The following DNAJC15 variants were observed in gnomAD, a reference collection of about 807,000 sequenced individuals.
DNAJC15 encodes the protein DnaJ heat shock protein family (Hsp40) member C15, also known as dnaJ homolog subfamily C member 15.
In DNAJC15, 27 loss-of-function variants were observed where a neutral mutation model predicts 22.4. That is an observed-to-expected ratio of 1.20 (90% CI 0.89 to 1.66). The LOEUF is 1.66. DNAJC15 is among the 40% of genes most tolerant of loss of function. DNAJC15 has a pLI of 0.00. For synonymous variants in DNAJC15, 79 were observed against 63.2 expected (o/e 1.25, Z -1.19); for missense variants, 208 against 187.1 (o/e 1.11, Z -0.65).
intron 5 of DNAJC15, among the ~76,000 whole-genome samples, chr13:43,093,793 CAT>C (rs1271620942): frequency 2.0e-5 from 3 of 152,102 alleles, no homozygotes; most frequent in Non-Finnish European, 2.9e-5. Context: ...GTATAGATAA[CAT>C]AATCTTTATA....
At chr13:43,040,737 T>TCCCC (rs2040449791) in intron 1 of DNAJC15, among the ~76,000 whole-genome samples, 1 of 151,956 alleles carries the variant, frequency 6.6e-6, no homozygotes, top group Non-Finnish European at 1.5e-5. Flanking sequence ...CTTGGGTGTT[T>TCCCC]CTCGGAGAGG....
At chr13:43,071,359 CTT>C (rs2040608343) in intron 3 of DNAJC15, among the ~76,000 whole-genome samples, 1 of 152,202 alleles carries the variant, frequency 6.6e-6, no homozygotes, top group Non-Finnish European at 1.5e-5. Context: ...CCTTTTCCCT[CTT>C]TGTGGGGCTC....
chr13:43,096,654 T>C (rs2040741182), intron 5 of DNAJC15, among the ~76,000 whole-genome samples: 1 of 152,146 alleles, frequency 6.6e-6, no homozygotes, highest in South Asian at 2.1e-4. Context: ...TGAGAGACAA[T>C]AGTAGATAGG....
At chr13:43,060,958 T>C (rs1247486014) in intron 1 of DNAJC15, among the ~76,000 whole-genome samples, 4 of 152,158 alleles carry the variant, frequency 2.6e-5, no homozygotes, top group Non-Finnish European at 5.9e-5. Context: ...AATTTGCCAG[T>C]CCTGGGCAGG....
rs768338703 is a variant in DNAJC15, at chr13:43,023,644, C to G, written c.18C>G (p.Val6=). The part of the protein sequence containing the change: MAARG[V]IAPVGESLRY... Reference sequence around the variant, plus strand: ...GCCTTGCCATGGCTGCCCGTGGTGTCATCGCTCCAGTTGGCGAGAGTTTGC... The same window carrying G: ...GCCTTGCCATGGCTGCCCGTGGTGTGATCGCTCCAGTTGGCGAGAGTTTGC... Residue 6 remains valine (V), a synonymous_variant, in exon 1 of 6, where the codon GTC becomes GTG. Transcript: ENST00000379221. 2.5e-6 allele frequency: 4 copies of G among 1,611,926 alleles called. No homozygotes were observed. In the East Asian group the frequency reaches 6.7e-5, roughly 27 times the overall value.
chr13:43,028,339 C>G (rs919754704), intron 1 of DNAJC15, among the ~76,000 whole-genome samples: 2 of 152,178 alleles, frequency 1.3e-5, no homozygotes, highest in African/African-American at 2.4e-5. Context: ...CTCCACCATT[C>G]AGTTCATGAG....
chr13:43,035,796 C>T (rs1182690983), intron 1 of DNAJC15, among the ~76,000 whole-genome samples: 1 of 152,132 alleles, frequency 6.6e-6, no homozygotes, highest in Non-Finnish European at 1.5e-5. Context: ...TCATAGCTCA[C>T]TGCAGTCTCA....
chr13:43,047,866 A>G (rs1472396581), intron 1 of DNAJC15, among the ~76,000 whole-genome samples: 1 of 152,198 alleles, frequency 6.6e-6, no homozygotes, highest in East Asian at 1.9e-4. Flanking sequence ...GAGGAAGATG[A>G]TGGTACAGAG....
At chr13:43,072,581 A>ATTTTT (rs140917513) in intron 3 of DNAJC15, among the ~76,000 whole-genome samples, 1 of 136,630 alleles carries the variant, frequency 7.3e-6, no homozygotes. Context: ...TCACATCAGC[A>ATTTTT]TTTTTTTTTT....
At chr13:43,032,741 C>T (rs189091192) in intron 1 of DNAJC15, among the ~76,000 whole-genome samples, 11 of 152,288 alleles carry the variant, frequency 7.2e-5, no homozygotes, top group Non-Finnish European at 1.5e-4. Context: ...AGGAGAATAC[C>T]TTGAACCCGG....
chr13:43,102,540 A>G (rs925373639), intron 5 of DNAJC15, among the ~76,000 whole-genome samples: 3 of 152,044 alleles, frequency 2.0e-5, no homozygotes, highest in African/African-American at 7.2e-5. Context: ...CTTTGGGGGG[A>G]GGAGGCTGCA....
chr13:43,106,016 T>G (rs1012543444), intron 5 of DNAJC15, among the ~76,000 whole-genome samples: 2 of 152,196 alleles, frequency 1.3e-5, no homozygotes, highest in Admixed American at 1.3e-4. Context: ...GAGGTAAATA[T>G]AGCTTTCTCC....
At chr13:43,071,453 A>G (rs1239781784) in intron 3 of DNAJC15, among the ~76,000 whole-genome samples, 3 of 147,540 alleles carry the variant, frequency 2.0e-5, no homozygotes, top group African/African-American at 8.1e-5. Flanking sequence ...AAAACATCTT[A>G]GAATATCTTT....
intron 5 of DNAJC15, among the ~76,000 whole-genome samples, chr13:43,105,223 G>T (rs2040790671): frequency 6.6e-6 from 1 of 151,978 alleles, no homozygotes; most frequent in South Asian, 2.1e-4. Flanking sequence ...CTAGAACTGT[G>T]GGAGAAGCAC....
intron 5 of DNAJC15, among the ~76,000 whole-genome samples, chr13:43,100,205 CTTTTT>C (rs368386623): frequency 2.7e-5 from 3 of 110,512 alleles, no homozygotes; most frequent in Non-Finnish European, 3.6e-5. Context: ...TTATTGAAGT[CTTTTT>C]TTTTTTTTTT....
rs1189652292 is a variant in DNAJC15 at position 43,023,683 on chromosome 13, C to T, written c.57C>T (p.Tyr19=). The T allele has an allele frequency of 2.5e-5, 41 of 1,612,970 alleles. No homozygotes were observed. The highest frequency in any genetic ancestry group is 3.4e-5 in the Non-Finnish European group (40 of 1,179,624). ...GCGAGAGTTTGCGCTACGCTGAGTACTTGCAGCCCTCGGCCAAACGGCCAG... is the reference window on the plus strand; with the variant it reads ...GCGAGAGTTTGCGCTACGCTGAGTATTTGCAGCCCTCGGCCAAACGGCCAG... ...PVGESLRYAE[Y]LQPSAKRPDA... The change falls in exon 1 of 6, where the codon TAC becomes TAT. Residue 19 remains tyrosine (Y), a synonymous_variant. Coordinates refer to ENST00000379221, the MANE Select transcript of DNAJC15 (RefSeq NM_013238.3).
At chr13:43,085,920 A>G in intron 5 of DNAJC15, 82 bp downstream of exon 5, 4 of 1,256,088 alleles carry the variant, frequency 3.2e-6, no homozygotes, top group South Asian at 2.7e-5. Context: ...TATATGATAT[A>G]TAGTTGAGAT....
chr13:43,111,424 A>G lies in DNAJC15; in HGVS notation c.*4176A>G, dbSNP rs1167264480. On this transcript the variant is annotated 3_prime_UTR_variant, in exon 6 of 6. Coordinates refer to ENST00000379221, the MANE Select transcript of DNAJC15 (RefSeq NM_013238.3). The stretch of plus-strand genomic sequence containing the variant: ...TTATGATTGATCACCCAGCAGCATC[A>G]TTAGAAATAATATATTTTATTCATG... 2 of 152,210 alleles carry G rather than the reference A, an allele frequency of 1.3e-5. No individual in the cohort carries two copies. Among genetic ancestry groups the G allele is most frequent in the East Asian group, 1.9e-4 (1 of 5,204 alleles). The allele number at this position is 152,210 out of a possible 1,614,324, so 9.4% of individuals were successfully genotyped here.
chr13:43,028,599 T>A (rs1481281116), intron 1 of DNAJC15, among the ~76,000 whole-genome samples: 1 of 152,218 alleles, frequency 6.6e-6, no homozygotes, highest in Non-Finnish European at 1.5e-5. Context: ...TACACAGGAC[T>A]CTTCATGTAC....
Sources: gnomAD v4.1 joint callset for allele counts (sites outside exome capture counted in the v4.1 genomes callset) on GRCh38, gnomAD v4.1.1 for gene constraint, MANE v1.5 for transcripts, NCBI Gene and HGNC (gene_info 2026-07-23, HGNC 2026-07-21) for gene names.